Variants in CARM1 observed in about 807,000 individuals in gnomAD.
The protein encoded by CARM1 is histone-arginine methyltransferase CARM1.
CARM1 carries 14 observed loss-of-function variants against 72.7 expected under a neutral mutation model. That is an observed-to-expected ratio of 0.19 (90% confidence interval 0.13 to 0.30). CARM1 has a LOEUF of 0.30. CARM1 is among the 10% of genes least tolerant of loss of function. CARM1 has a pLI of 1.00. For missense variants in CARM1, 432 were observed against 833.7 expected, an observed-to-expected ratio of 0.52 and a Z score of 5.93; for synonymous variants, 333 against 345.5, an observed-to-expected ratio of 0.96 and a Z score of 0.40.
At chr19:10,876,931 C>T (rs2146297957) in intron 1 of CARM1, among the ~76,000 whole-genome samples, 1 of 152,390 alleles carries the variant, frequency 6.6e-6, no homozygotes. Flanking sequence ...GTGCTTTAGA[C>T]TCTCCCATCC....
intron 1 of CARM1, among the ~76,000 whole-genome samples, chr19:10,881,681 CA>C (rs1164037224): frequency 6.6e-6 from 1 of 151,572 alleles, no homozygotes; most frequent in Non-Finnish European, 1.5e-5. Flanking sequence ...GCAGAGAGAG[CA>C]GGGGGGACGG....
chr19:10,899,386 C>T (rs545628241), intron 1 of CARM1, among the ~76,000 whole-genome samples: 49 of 152,370 alleles, frequency 3.2e-4, no homozygotes, highest in African/African-American at 1.1e-3. Context: ...AACAGATCGA[C>T]AGTATCTCCT....
At chr19:10,890,569 A>G (rs4804544) in intron 1 of CARM1, among the ~76,000 whole-genome samples, 43,933 of 150,560 alleles carry the variant, frequency 0.29, 6,607 homozygotes, top group East Asian at 0.53. Context: ...CACCGCGCCT[A>G]GCCTAAAAAT....
chr19:10,877,561 T>C (rs368783765), intron 1 of CARM1, among the ~76,000 whole-genome samples: 1 of 152,144 alleles, frequency 6.6e-6, no homozygotes, highest in East Asian at 1.9e-4. Flanking sequence ...TAGCTGGGAT[T>C]ACAGGCCTGT....
chr19:10,909,777 A>G (rs1295209171), intron 4 of CARM1, among the ~76,000 whole-genome samples: 1 of 152,092 alleles, frequency 6.6e-6, no homozygotes, highest in Non-Finnish European at 1.5e-5. Flanking sequence ...AAAGCAAGAA[A>G]AACAAATGCA....
At chr19:10,874,516 C>T (rs951686008) in intron 1 of CARM1, among the ~76,000 whole-genome samples, 2 of 152,016 alleles carry the variant, frequency 1.3e-5, no homozygotes, top group African/African-American at 2.4e-5. Context: ...CCTCAGCCTC[C>T]CTAGTAGCTG....
rs935469549 is a variant in CARM1 at position 10,916,943 on chromosome 19, C to T, written c.1020+166C>T. 3.9e-5 allele frequency among the ~76,000 whole-genome samples: 6 copies of T among 152,120 alleles called. No homozygotes were observed. Among genetic ancestry groups the T allele is most frequent in the African/African-American group, 1.4e-4 (6 of 41,414 alleles). ...TGTCAATGCATGTAGACACTTAGCA[C>T]ACAGCACACATGCAATACATGTGGA... On this transcript the variant is annotated intron_variant, in intron 8 of 15. Coordinates refer to ENST00000327064, the MANE Select transcript of CARM1 (RefSeq NM_199141.2). The surrounding 1 kb of genome is among the most constrained non-coding windows in gnomAD (Gnocchi z 4.4).
chr19:10,913,570 G>A (rs905612348), intron 5 of CARM1, among the ~76,000 whole-genome samples: 17 of 151,256 alleles, frequency 1.1e-4, no homozygotes, highest in Non-Finnish European at 2.1e-4. Flanking sequence ...TTTTTTTTTG[G>A]TATTTTTAGT....
At chr19:10,900,034 A>G (rs1437924812) in intron 1 of CARM1, among the ~76,000 whole-genome samples, 2 of 152,160 alleles carry the variant, frequency 1.3e-5, no homozygotes, top group East Asian at 3.9e-4. Context: ...TTTTCTATTG[A>G]AACAAAATTC....
At chr19:10,873,272 C>T (rs1253153556) in intron 1 of CARM1, among the ~76,000 whole-genome samples, 2 of 152,096 alleles carry the variant, frequency 1.3e-5, no homozygotes, top group Non-Finnish European at 2.9e-5. Flanking sequence ...AAAGGAGTTC[C>T]AGGAGAGTTG....
chr19:10,896,042 AG>A lies in CARM1; in HGVS notation c.221-8904del, dbSNP rs147600424. ...CAGCAGTGAGACTGCAGACATTGGC[AG>A]GGGGCTGGTTCCGGAAGGTGCTGGG... is the stretch of plus-strand genomic sequence containing the variant. On this transcript the variant is annotated intron_variant, in intron 1 of 15. Transcript: ENST00000327064. This position sits in a 1 kb window ranked among gnomAD's most constrained non-coding sequence, Gnocchi z 5.2. 1.3e-5 allele frequency among the ~76,000 whole-genome samples: 2 copies of A among 152,110 alleles called. No individual in the cohort carries two copies. Among genetic ancestry groups the A allele is most frequent in the Non-Finnish European group, 2.9e-5 (2 of 67,964 alleles).
At chr19:10,880,728 A>G (rs1228562447) in intron 1 of CARM1, among the ~76,000 whole-genome samples, 1 of 152,160 alleles carries the variant, frequency 6.6e-6, no homozygotes, top group East Asian at 1.9e-4. Flanking sequence ...ACAATTGGAC[A>G]CAGTTTTGCA....
In CARM1 at chr19:10,916,377, C is replaced by G; in HGVS notation, c.848-30C>G. 2 of 1,494,478 alleles carry G rather than the reference C, an allele frequency of 1.3e-6. No homozygotes were observed. The highest frequency in any genetic ancestry group is 1.4e-5 in the African/African-American group (1 of 72,704). 92.6% of individuals were successfully genotyped at this position (1,494,478 alleles called of 1,614,324 possible). On this transcript the variant is annotated intron_variant, in intron 6 of 15. Transcript: ENST00000327064. The surrounding 1 kb of genome is among the most constrained non-coding windows in gnomAD (Gnocchi z 4.4). ...AGGCAGTGTGGGATGTGTCACCTGA[C>G]GCCAGCACCCCTCCCTGCCCCACTC... is the stretch of plus-strand genomic sequence containing the variant.
chr19:10,879,823 C>G (rs999593274), intron 1 of CARM1, among the ~76,000 whole-genome samples: 3 of 152,142 alleles, frequency 2.0e-5, no homozygotes, highest in African/African-American at 7.2e-5. Flanking sequence ...CCCTTTTGGC[C>G]AGGCTGGTCT....
intron 1 of CARM1, among the ~76,000 whole-genome samples, chr19:10,885,851 CCCACAGGGAGCCA>C (rs144987164): frequency 0.01 from 1,546 of 151,478 alleles, 31 homozygotes; most frequent in African/African-American, 0.036. Context: ...AGGACAGCCC[CCCACAGGGAGCCA>C]CAGCAGCCAC....
At chr19:10,918,045 A>C (rs1258600688) in intron 8 of CARM1, among the ~76,000 whole-genome samples, 3 of 151,902 alleles carry the variant, frequency 2.0e-5, no homozygotes, top group African/African-American at 7.3e-5. Flanking sequence ...TGGGGAGTGA[A>C]TGAGTGAAAA....
chr19:10,875,853 C>T (rs2073860480), intron 1 of CARM1, among the ~76,000 whole-genome samples: 1 of 151,618 alleles, frequency 6.6e-6, no homozygotes, highest in African/African-American at 2.4e-5. Context: ...TCACAGATTC[C>T]AGGGGTTACA....
At chr19:10,897,587 G>C (rs571414667) in intron 1 of CARM1, among the ~76,000 whole-genome samples, 1 of 152,244 alleles carries the variant, frequency 6.6e-6, no homozygotes, top group Non-Finnish European at 1.5e-5. Flanking sequence ...CTGGGTCCAG[G>C]GGTGGCCAAA....
intron 1 of CARM1, among the ~76,000 whole-genome samples, chr19:10,900,982 C>CTT (rs747700729): frequency 5.0e-5 from 7 of 140,030 alleles, no homozygotes; most frequent in Admixed American, 7.2e-5. Context: ...TGCACCCGGA[C>CTT]TTTTTTTTTT....
Sources: allele counts gnomAD v4.1 joint callset (sites outside exome capture counted in the v4.1 genomes callset), GRCh38; gene constraint gnomAD v4.1.1; non-coding constraint Gnocchi (gnomAD v3.1); transcripts MANE v1.5; gene names NCBI Gene and HGNC (gene_info 2026-07-23, HGNC 2026-07-21).